Variants in CPZ observed in about 807,000 individuals in gnomAD.
CPZ encodes the protein VEZT/CPZ fusion.
In CPZ, 103 loss-of-function variants were observed where a neutral mutation model predicts 61.8. The ratio of observed to expected loss-of-function variants is 1.67; its 90% confidence interval spans 1.42 to 1.96. The LOEUF is 1.96. CPZ is among the 30% of genes most tolerant of loss of function. The pLI is 0.00. For missense variants in CPZ, 1,461 were observed against 914.9 expected (o/e 1.60, Z -7.70); for synonymous variants, 551 against 373.7 (o/e 1.47, Z -5.47).
intron 3 of CPZ, chr4:8,603,650 C>T: frequency 2.6e-6 from 1 of 381,944 alleles, no homozygotes; most frequent in Non-Finnish European, 4.7e-6. Flanking sequence ...CAGGGGTTTG[C>T]CTTGGGGGGT....
At chr4:8,609,209 T>C (rs1016018294) in intron 7 of CPZ, among the ~76,000 whole-genome samples, 1,069 of 43,446 alleles carry the variant, frequency 0.025, 20 homozygotes, top group Admixed American at 0.16. Flanking sequence ...CTCACTCACT[T>C]ACTCATTCAC....
chr4:8,596,036 C>T (rs1714151328), intron 1 of CPZ, among the ~76,000 whole-genome samples: 1 of 151,662 alleles, frequency 6.6e-6, no homozygotes, highest in Non-Finnish European at 1.5e-5. Context: ...GCCTTCCAGC[C>T]TCCAGGGCTC....
chr4:8,596,618 C>A (rs983860333), intron 1 of CPZ, among the ~76,000 whole-genome samples: 2 of 152,270 alleles, frequency 1.3e-5, no homozygotes, highest in Admixed American at 6.5e-5. Flanking sequence ...TTGTATTAAT[C>A]TTGATGGATC....
rs1025044235 is a variant in CPZ, at chr4:8,607,845, C to CGG, written c.1227+424_1227+425dup. Among the ~76,000 whole-genome samples, 3 of 152,174 alleles carry CGG rather than the reference C, an allele frequency of 2.0e-5. No homozygotes were observed. The East Asian group carries it at 5.8e-4, about 29-fold the overall frequency. On this transcript the variant is annotated intron_variant, in intron 7 of 10. Transcript: ENST00000360986. ...CATGCTGCCCGCCCGTCCTGCTTCC[C>CGG]GGGGGTCGTGCTTGCTTCTCACGTG...
intron 7 of CPZ, among the ~76,000 whole-genome samples, chr4:8,608,645 TGTGC>T (rs1715256867): frequency 1.4e-5 from 2 of 145,994 alleles, no homozygotes; most frequent in Non-Finnish European, 3.1e-5. Flanking sequence ...AGTGCACGTG[TGTGC>T]GTGTGCATGC....
At chr4:8,615,105 C>T (rs1716053052) in intron 9 of CPZ, among the ~76,000 whole-genome samples, 1 of 151,658 alleles carries the variant, frequency 6.6e-6, no homozygotes, top group Non-Finnish European at 1.5e-5. Flanking sequence ...AGGGTATAGG[C>T]AGGAAGTGGC....
intron 1 of CPZ, among the ~76,000 whole-genome samples, chr4:8,596,479 C>T (rs1031283491): frequency 3.3e-5 from 5 of 152,272 alleles, no homozygotes; most frequent in African/African-American, 9.6e-5. Context: ...GACACTCTTC[C>T]TGCCCCTTGG....
intron 7 of CPZ, chr4:8,611,236 C>G (rs75806178): frequency 2.2e-6 from 1 of 456,254 alleles, no homozygotes; most frequent in Non-Finnish European, 4.4e-6. Context: ...GTGAGCCCTT[C>G]GCCTGCCTGA....
intron 7 of CPZ, among the ~76,000 whole-genome samples, chr4:8,610,951 ACT>A (rs1487456039): frequency 6.6e-6 from 1 of 151,930 alleles, no homozygotes; most frequent in Admixed American, 6.6e-5. Context: ...AGAGATCTTC[ACT>A]CTGGCCTGGA....
At chr4:8,606,689 G>C in intron 5 of CPZ, 48 bp from the exon 6 acceptor site, 4 of 1,611,666 alleles carry the variant, frequency 2.5e-6, no homozygotes, top group Non-Finnish European at 3.4e-6. Flanking sequence ...GAAGGAGGAG[G>C]GTGGGGTGTG....
intron 1 of CPZ, among the ~76,000 whole-genome samples, chr4:8,598,391 C>A (rs1714331976): frequency 6.6e-6 from 1 of 152,200 alleles, no homozygotes; most frequent in African/African-American, 2.4e-5. Flanking sequence ...AGGGTGAGCT[C>A]CGAAAAGCGG....
chr4:8,605,885 T>G (rs1714950370), intron 4 of CPZ, 104 bp from the exon 5 acceptor site: 13 of 1,115,896 alleles, frequency 1.2e-5, no homozygotes, highest in Non-Finnish European at 1.7e-5. Context: ...CAAGTATGAA[T>G]TGGTCCCAGC....
rs1243829673 is a variant in CPZ at position 8,604,196 on chromosome 4, C to T, written c.709+8C>T. On this transcript the variant is annotated splice_region_variant and intron_variant, in intron 4 of 10. Coordinates refer to ENST00000360986, the MANE Select transcript of CPZ (RefSeq NM_001014447.3). Reference sequence around the variant, plus strand: ...CCGGCCAGCACGAGCTGAGTGAGTGCCCTTGGGAGAGCCTGGCCTGGCCCC... The same window carrying T: ...CCGGCCAGCACGAGCTGAGTGAGTGTCCTTGGGAGAGCCTGGCCTGGCCCC... 5 of 1,532,924 alleles carry T rather than the reference C, an allele frequency of 3.3e-6. No individual in the cohort carries two copies. The highest frequency in any genetic ancestry group is 2.7e-5 in the African/African-American group (2 of 72,926). 95.0% of individuals were successfully genotyped at this position (1,532,924 alleles called of 1,614,324 possible).
chr4:8,609,594 C>A (rs1405137981), intron 7 of CPZ, among the ~76,000 whole-genome samples: 1 of 148,346 alleles, frequency 6.7e-6, no homozygotes, highest in Non-Finnish European at 1.5e-5. Context: ...CTGGGCAGGG[C>A]AGGTGTCCCC....
intron 6 of CPZ, 45 bp downstream of exon 6, chr4:8,606,943 G>C (rs927952064): frequency 9.7e-6 from 15 of 1,541,348 alleles, no homozygotes; most frequent in Non-Finnish European, 1.3e-5. Flanking sequence ...AAGGCATCCA[G>C]GGGTCCCTAG....
chr4:8,619,232 G>C, intron 10 of CPZ, 30 bp from the exon 11 acceptor site: 1 of 1,567,742 alleles, frequency 6.4e-7, no homozygotes, highest in Non-Finnish European at 8.6e-7. Flanking sequence ...CAGTCCTCGT[G>C]AGAATCATTT....
At chr4:8,611,361 G>C (rs1265538175) in intron 7 of CPZ, 4 of 437,724 alleles carry the variant, frequency 9.1e-6, no homozygotes, top group Non-Finnish European at 1.9e-5. Context: ...GGGAAGCTCT[G>C]GGCTGGGAAG....
chr4:8,598,877 C>G (rs974344995), intron 1 of CPZ, among the ~76,000 whole-genome samples: 2 of 152,164 alleles, frequency 1.3e-5, no homozygotes, highest in African/African-American at 4.8e-5. Context: ...ATCCTTTGTT[C>G]TTGGAAGAGG....
intron 7 of CPZ, 87 bp from the exon 8 acceptor site, chr4:8,611,940 A>T: frequency 1.3e-6 from 2 of 1,587,406 alleles, no homozygotes; most frequent in Admixed American, 1.7e-5. Flanking sequence ...AGGTGTTTGC[A>T]CGCGCAGCTC....
Sources: allele counts gnomAD v4.1 joint callset (sites outside exome capture counted in the v4.1 genomes callset), GRCh38; gene constraint gnomAD v4.1.1; transcripts MANE v1.5; gene names NCBI Gene and HGNC (gene_info 2026-07-23, HGNC 2026-07-21).